The following VPS4B variants were observed in gnomAD, a reference collection of about 807,000 sequenced individuals.
The protein encoded by VPS4B is vacuolar protein sorting 4 homolog B.
A neutral mutation model predicts 56.1 loss-of-function variants in VPS4B; 23 were observed. That is an observed-to-expected ratio of 0.41 (90% CI 0.30 to 0.58). The LOEUF is 0.58. Ranked by LOEUF, VPS4B falls within the 20% of genes least tolerant of loss-of-function variation. The pLI is 0.29. For missense variants in VPS4B, 372 were observed against 531.9 expected, an observed-to-expected ratio of 0.70 and a Z score of 2.96; for synonymous variants, 177 against 186.0, an observed-to-expected ratio of 0.95 and a Z score of 0.39.
chr18:63,419,469 T>C (rs1916246195), intron 1 of VPS4B, among the ~76,000 whole-genome samples: 1 of 152,144 alleles, frequency 6.6e-6, no homozygotes, highest in Non-Finnish European at 1.5e-5. Flanking sequence ...CATCTTCAAT[T>C]TTTCTCCTTT....
At chr18:63,417,534 T>C (rs139862775) in intron 1 of VPS4B, among the ~76,000 whole-genome samples, 2 of 152,316 alleles carry the variant, frequency 1.3e-5, no homozygotes, top group African/African-American at 2.4e-5. Context: ...TCCTCTCTTA[T>C]GTGACAATGA....
rs1302362203 is a variant in VPS4B, at chr18:63,403,725, A to G, written c.466T>C (p.Phe156Leu). ...LKEAVILPIK[F>L]PHLFTGKRTP... ...ATGTCACCTGTAAAAAGATGAGGAA[A>G]TTTAATAGGCAGTATCACAGCCTCT... The change falls in exon 5 of 11, where the codon TTT becomes CTT. Residue 156 changes from phenylalanine (F) to leucine (L), a missense_variant. Coordinates refer to ENST00000238497, the MANE Select transcript of VPS4B (RefSeq NM_004869.4). The G allele has an allele frequency of 8.1e-6, 13 of 1,608,662 alleles. No homozygotes were observed. The highest frequency in any genetic ancestry group is 1.7e-5 in the Admixed American group (1 of 59,134).
chr18:63,393,620 G>A, intron 9 of VPS4B, 71 bp from the exon 10 acceptor site: 1 of 1,333,846 alleles, frequency 7.5e-7, no homozygotes, highest in Non-Finnish European at 9.8e-7. Flanking sequence ...CCATTACCAG[G>A]AAAGTTAAAA....
At position 63,397,215 on chromosome 18, in the gene VPS4B, T is replaced by A; in HGVS notation, c.911A>T (p.His304Leu). The A allele has an allele frequency of 6.2e-7, 1 of 1,613,564 alleles. No homozygotes were observed. Residue 304 changes from histidine (H) to leucine (L), a missense_variant, in exon 9 of 11, where the codon CAT (histidine) becomes CTT (leucine). Around this residue, in one of 3 missense-constraint regions of VPS4B, gnomAD observed 153 missense variants for 190.9 expected, o/e 0.80. Coordinates refer to ENST00000238497, the MANE Select transcript of VPS4B (RefSeq NM_004869.4). ...CAGTTTAAACATTGCTGCTCGGGCA[T>A]GGGGTTCCGGCAAGGGAATATAAAT... ...KRIYIPLPEP[H>L]ARAAMFKLHL...
chr18:63,395,361 C>T (rs1043013614), intron 9 of VPS4B, among the ~76,000 whole-genome samples: 1 of 152,204 alleles, frequency 6.6e-6, no homozygotes, highest in African/African-American at 2.4e-5. Context: ...GTAACATTCC[C>T]TACGCATCTG....
chr18:63,405,162 T>A (rs1165960343), intron 4 of VPS4B, among the ~76,000 whole-genome samples: 1 of 152,084 alleles, frequency 6.6e-6, no homozygotes, highest in African/African-American at 2.4e-5. Flanking sequence ...ATACTAGACA[T>A]GGTTTGCAAA....
chr18:63,412,310 C>T (rs2144433504), intron 1 of VPS4B, among the ~76,000 whole-genome samples: 2 of 152,208 alleles, frequency 1.3e-5, no homozygotes, highest in East Asian at 3.9e-4. Flanking sequence ...TTATTTGAAA[C>T]AACAGCAGAA....
intron 10 of VPS4B, among the ~76,000 whole-genome samples, chr18:63,391,914 C>T (rs979949384): frequency 2.6e-5 from 4 of 152,104 alleles, no homozygotes; most frequent in Non-Finnish European, 5.9e-5. Context: ...TAAGCCTAGA[C>T]TCCTGTAAAA....
At chr18:63,391,141 ATAT>A (rs1915539786) in intron 10 of VPS4B, 65 bp from the exon 11 acceptor site, 1 of 1,064,602 alleles carries the variant, frequency 9.4e-7, no homozygotes, top group Admixed American at 2.0e-5. Context: ...AAAAACCGTC[ATAT>A]TATCATTATT....
chr18:63,398,993 G>C (rs1048078197), intron 8 of VPS4B, among the ~76,000 whole-genome samples: 1 of 152,144 alleles, frequency 6.6e-6, no homozygotes, highest in Non-Finnish European at 1.5e-5. Flanking sequence ...TGAAAGGTAA[G>C]CATTAGGTAA....
At chr18:63,394,680 T>TG (rs1344250410) in intron 9 of VPS4B, among the ~76,000 whole-genome samples, 3 of 152,198 alleles carry the variant, frequency 2.0e-5, no homozygotes, top group East Asian at 1.9e-4. Flanking sequence ...ATGGCCAGGC[T>TG]GGTCTCGAAC....
In VPS4B at chr18:63,400,116, C is replaced by CCA; in HGVS notation, c.720_721dup (p.Gly241ValfsTer20). 13 of 1,613,608 alleles carry CCA rather than the reference C, an allele frequency of 8.1e-6. No individual in the cohort carries two copies. Among genetic ancestry groups the CCA allele is most frequent in the Non-Finnish European group, 1.1e-5 (13 of 1,179,822 alleles). On this transcript the variant is annotated frameshift_variant, in exon 7 of 11. Coordinates refer to ENST00000238497, the MANE Select transcript of VPS4B (RefSeq NM_004869.4). LOFTEE classifies it high-confidence loss of function. ...TTCACTTTCATTTTCACTTCTTGAA[C>CCA]CACAGAGAGAATCAATTTCATCAAT...
chr18:63,400,729 C>A (rs200803868), intron 5 of VPS4B, 26 bp from the exon 6 acceptor site: 2 of 1,585,914 alleles, frequency 1.3e-6, no homozygotes, highest in South Asian at 2.3e-5. Context: ...AGAAAAATGT[C>A]ATGAGAATTT....
At position 63,389,455 on chromosome 18, in the gene VPS4B, T is replaced by C. The variant is rs573195451; in HGVS notation, c.*1520A>G. The C allele has an allele frequency of 7.9e-5, 12 of 152,766 alleles. No individual in the cohort carries two copies. In the South Asian group the frequency reaches 1.9e-3, roughly 24 times the overall value. 9.5% of individuals were successfully genotyped at this position (152,766 alleles called of 1,614,324 possible). A position where few individuals can be genotyped will look rare whatever the true frequency, so the allele number is the denominator to read the frequency against. On this transcript the variant is annotated 3_prime_UTR_variant, in exon 11 of 11. Transcript: ENST00000238497. The stretch of plus-strand genomic sequence containing the variant: ...TAAAATGCAAGTTATTCTATAGCAT[T>C]TGCAAGATAGAATTTCACTGTAATT...
intron 4 of VPS4B, 49 bp downstream of exon 4, chr18:63,407,383 T>G: frequency 7.0e-7 from 1 of 1,436,302 alleles, no homozygotes; most frequent in Non-Finnish European, 9.6e-7. Flanking sequence ...CAATTCACTT[T>G]GAGTCTTTTT....
chr18:63,411,588 G>A lies in VPS4B; in HGVS notation c.28-10C>T, dbSNP rs774596221. 2 of 1,536,098 alleles carry A rather than the reference G, an allele frequency of 1.3e-6. No homozygotes were observed. The highest frequency in any genetic ancestry group is 2.1e-5 in the Admixed American group (1 of 48,486). ...CCAGATCTATCGCTTTCTGTTTGAG[G>A]GAGGCAAAATAACAACATTTAAATC... is the stretch of plus-strand genomic sequence containing the variant. On this transcript the variant is annotated splice_polypyrimidine_tract_variant and intron_variant, in intron 1 of 10. Transcript: ENST00000238497.
At chr18:63,419,060 T>G (rs1480730917) in intron 1 of VPS4B, among the ~76,000 whole-genome samples, 1 of 151,898 alleles carries the variant, frequency 6.6e-6, no homozygotes, top group Non-Finnish European at 1.5e-5. Context: ...CCTACCTGAG[T>G]TGGGTACTCA....
At chr18:63,411,364 G>A in intron 2 of VPS4B, 103 bp downstream of exon 2, 1 of 801,436 alleles carries the variant, frequency 1.2e-6, no homozygotes, top group Non-Finnish European at 1.7e-6. Flanking sequence ...TTAACAAATG[G>A]ATCGTTTAGA....
chr18:63,393,404 C>G lies in VPS4B; in HGVS notation c.1233+5G>C. The G allele has an allele frequency of 6.3e-7, 1 of 1,579,812 alleles. No homozygotes were observed. Among genetic ancestry groups the G allele is most frequent in the Admixed American group, 2.0e-5 (1 of 50,914 alleles). On this transcript the variant is annotated splice_donor_5th_base_variant and intron_variant, in intron 10 of 10. Transcript: ENST00000238497. ...ATTTTCTTAAAAACAAACAAAATTT[C>G]AAACCATGGAAACAACTGGCTCCAA...
Sources: allele counts gnomAD v4.1 joint callset (sites outside exome capture counted in the v4.1 genomes callset), GRCh38; gene constraint gnomAD v4.1.1; regional missense constraint gnomAD v4.1.1; transcripts MANE v1.5; gene names NCBI Gene and HGNC (gene_info 2026-07-23, HGNC 2026-07-21).